MMP26: variants seen among roughly 807,000 people sequenced by gnomAD.
MMP26 encodes matrix metalloproteinase-26.
A neutral mutation model predicts 31.0 loss-of-function variants in MMP26; 33 were observed. The observed-to-expected ratio is 1.06, with a 90% CI of 0.81 to 1.42. The LOEUF is 1.42. Ranked by LOEUF, MMP26 falls within the 40% of genes most tolerant of loss-of-function variation. MMP26 has a pLI of 0.00. For missense variants in MMP26, 347 were observed against 316.1 expected (o/e 1.10, Z -0.74); for synonymous variants, 122 against 114.9 (o/e 1.06, Z -0.40).
chr11:4,848,803 G>A lies in MMP26; in HGVS notation c.-145+81462G>A, dbSNP rs199897048. 20 of 1,614,088 alleles carry A rather than the reference G, an allele frequency of 1.2e-5. No homozygotes were observed. In the East Asian group the frequency reaches 1.3e-4, roughly 11 times the overall value. The stretch of plus-strand genomic sequence containing the variant: ...AGGAGCGCTGGGTAGTGGAGAGGTC[G>A]GCAGATGGCCAGTGCCCGATCAATG... On this transcript the variant is annotated intron_variant, in intron 2 of 7. Transcript: ENST00000380390.
chr11:4,907,764 A>G (rs199813184), intron 2 of MMP26: 4 of 1,614,142 alleles, frequency 2.5e-6, no homozygotes, highest in South Asian at 1.1e-5. Context: ...CCCTTAAGAT[A>G]CAGTTCTATC....
chr11:4,989,501 C>T, intron 3 of MMP26, 147 bp from the exon 4 acceptor site: 2 of 599,128 alleles, frequency 3.3e-6, no homozygotes, highest in Admixed American at 2.9e-5. Flanking sequence ...GGGATGGCTG[C>T]CATCATCTGA....
At chr11:4,968,833 C>G (rs1188331772) in intron 2 of MMP26, among the ~76,000 whole-genome samples, 4 of 151,880 alleles carry the variant, frequency 2.6e-5, no homozygotes, top group Non-Finnish European at 4.4e-5. Flanking sequence ...CAATCTATAC[C>G]TTTGAAAAAT....
rs1848039766 is a variant in MMP26, at chr11:4,723,150, T to C, written c.-217+18105T>C. On this transcript the variant is annotated intron_variant, in intron 1 of 7. Coordinates refer to ENST00000380390, the MANE Select transcript of MMP26 (RefSeq NM_021801.5). ...GACAGCTTGGAGTTGGCATCCTTAA[T>C]GGCCAGCTCCCCACGCTGCTCGGCA... The C allele has an allele frequency of 6.9e-6, 11 of 1,599,638 alleles. No individual in the cohort carries two copies. In the Admixed American group the frequency reaches 1.3e-4, roughly 19 times the overall value.
rs980105600 is a variant in MMP26, at chr11:4,991,299, C to CT, written c.470-70dup. The CT allele has an allele frequency of 1.9e-4, 295 of 1,525,348 alleles. No homozygotes were observed. The Middle Eastern group carries it at 3.2e-3, about 16-fold the overall frequency. The allele number at this position is 1,525,348 out of a possible 1,614,324, so 94.5% of individuals were successfully genotyped here. ...TGCACAGTATCCTAAGTCTCTGAGG[C>CT]TTACTTAAGACTATTCTGGCCTTTG... On this transcript the variant is annotated intron_variant, in intron 5 of 7. Transcript: ENST00000380390.
intron 2 of MMP26, chr11:4,907,406 C>T (rs779542879): frequency 1.2e-6 from 2 of 1,613,842 alleles, no homozygotes; most frequent in Non-Finnish European, 1.7e-6. Flanking sequence ...CAAGCTTTTC[C>T]TTCTGATTGG....
At chr11:4,908,548 T>C in intron 2 of MMP26, 1 of 529,626 alleles carries the variant, frequency 1.9e-6, no homozygotes, top group Non-Finnish European at 3.4e-6. Context: ...AAAATACTTC[T>C]GTGATGGAGC....
At chr11:4,817,909 C>T (rs1409829159) in intron 2 of MMP26, among the ~76,000 whole-genome samples, 2 of 152,084 alleles carry the variant, frequency 1.3e-5, no homozygotes, top group Admixed American at 1.3e-4. Context: ...ACCTCTTCCT[C>T]TGTTGGGAGC....
chr11:4,933,565 G>GTTTTGT (rs1564809869), intron 2 of MMP26, among the ~76,000 whole-genome samples: 2 of 149,500 alleles, frequency 1.3e-5, no homozygotes, highest in Admixed American at 6.6e-5. Context: ...TGTTTGTTTT[G>GTTTTGT]TTTTTTTTAT....
At chr11:4,828,201 T>C (rs16906706) in intron 2 of MMP26, among the ~76,000 whole-genome samples, 12,754 of 152,204 alleles carry the variant, frequency 0.084, 802 homozygotes, top group African/African-American at 0.18. Context: ...CTCCTCGTTT[T>C]TTGAAGCCAT....
chr11:4,777,142 T>A (rs1848800151), intron 2 of MMP26, among the ~76,000 whole-genome samples: 1 of 152,160 alleles, frequency 6.6e-6, no homozygotes, highest in African/African-American at 2.4e-5. Context: ...TCCCTGAATC[T>A]CAGTTTCCTC....
At chr11:4,847,018 G>T (rs1849880358) in intron 2 of MMP26, among the ~76,000 whole-genome samples, 1 of 152,116 alleles carries the variant, frequency 6.6e-6, no homozygotes, top group African/African-American at 2.4e-5. Context: ...CTCTGAATTT[G>T]GCTCAGGTTT....
intron 1 of MMP26, among the ~76,000 whole-genome samples, chr11:4,740,125 A>T (rs12226038): frequency 0.17 from 26,372 of 152,048 alleles, 2,760 homozygotes; most frequent in African/African-American, 0.3. Flanking sequence ...AAATCAGTTT[A>T]TCATTCAGTT....
chr11:4,822,109 A>C (rs1849514932), intron 2 of MMP26: 10 of 1,613,814 alleles, frequency 6.2e-6, no homozygotes, highest in Non-Finnish European at 8.5e-6. Flanking sequence ...TGTCCTCAGC[A>C]TTGCTTCCTC....
intron 2 of MMP26, among the ~76,000 whole-genome samples, chr11:4,771,135 A>G (rs74672350): frequency 0.014 from 2,089 of 152,268 alleles, 52 homozygotes; most frequent in African/African-American, 0.047. Context: ...TTTTTGCAAG[A>G]TGGGACAGAA....
At chr11:4,747,523 G>A (rs1431474071) in intron 1 of MMP26, among the ~76,000 whole-genome samples, 1 of 152,026 alleles carries the variant, frequency 6.6e-6, no homozygotes, top group Non-Finnish European at 1.5e-5. Flanking sequence ...TGGGTTTGGG[G>A]GAATATAGCA....
At chr11:4,798,969 T>G (rs561635918) in intron 2 of MMP26, among the ~76,000 whole-genome samples, 13 of 152,326 alleles carry the variant, frequency 8.5e-5, no homozygotes, top group East Asian at 5.8e-4. Context: ...GAAAAGCTGA[T>G]GTACCAGGAG....
intron 2 of MMP26, chr11:4,947,744 A>AT (rs1846333623): frequency 8.0e-6 from 1 of 125,584 alleles, no homozygotes; most frequent in African/African-American, 2.7e-5. Context: ...TTGTCTGACA[A>AT]TAAGAATAAA....
chr11:4,831,260 C>T (rs1440364465), intron 2 of MMP26, among the ~76,000 whole-genome samples: 1 of 152,152 alleles, frequency 6.6e-6, no homozygotes, highest in Non-Finnish European at 1.5e-5. Flanking sequence ...CCTCTTGCTG[C>T]CACTGGCCAT....
Sources: allele counts gnomAD v4.1 joint callset (sites outside exome capture counted in the v4.1 genomes callset), GRCh38; gene constraint gnomAD v4.1.1; transcripts MANE v1.5; gene names NCBI Gene and HGNC (gene_info 2026-07-23, HGNC 2026-07-21).